Variants in CBLB observed in about 807,000 individuals in gnomAD.
CBLB encodes E3 ubiquitin-protein ligase CBL-B.
CBLB carries 31 observed loss-of-function variants against 104.9 expected under a neutral mutation model. The observed-to-expected ratio is 0.30, with a 90% CI of 0.22 to 0.40. CBLB has a LOEUF of 0.40. Ranked by LOEUF, CBLB falls within the 10% of genes least tolerant of loss-of-function variation. The pLI is 1.00. For synonymous variants in CBLB, 440 were observed against 422.6 expected (o/e 1.04, Z -0.51); for missense variants, 1,062 against 1,214.6 (o/e 0.87, Z 1.87).
At chr3:105,727,254 G>T (rs748185058) in intron 9 of CBLB, among the ~76,000 whole-genome samples, 2 of 152,170 alleles carry the variant, frequency 1.3e-5, no homozygotes, top group Admixed American at 1.3e-4. Context: ...TCTAACTGGC[G>T]TGAGATGGTT....
At chr3:105,860,567 A>G (rs2092005797) in intron 2 of CBLB, among the ~76,000 whole-genome samples, 1 of 152,188 alleles carries the variant, frequency 6.6e-6, no homozygotes, top group Admixed American at 6.5e-5. Context: ...ACCTCTTAGG[A>G]TATTATAATT....
At chr3:105,742,764 A>G (rs1309716262) in intron 6 of CBLB, among the ~76,000 whole-genome samples, 1 of 152,224 alleles carries the variant, frequency 6.6e-6, no homozygotes, top group African/African-American at 2.4e-5. Flanking sequence ...ATTAACATGA[A>G]GAAAATAATT....
At chr3:105,761,850 G>C (rs1358230828) in intron 4 of CBLB, among the ~76,000 whole-genome samples, 5 of 152,190 alleles carry the variant, frequency 3.3e-5, no homozygotes, top group Non-Finnish European at 7.3e-5. Context: ...ATGTGGGAAA[G>C]TTTGGAACTT....
intron 8 of CBLB, 91 bp from the exon 9 acceptor site, chr3:105,734,231 G>T (rs2074656693): frequency 2.4e-6 from 3 of 1,266,984 alleles, no homozygotes; most frequent in Non-Finnish European, 1.1e-6. Context: ...ATGACGCACA[G>T]TCAATATCTC....
intron 10 of CBLB, among the ~76,000 whole-genome samples, chr3:105,707,999 T>A (rs747126484): frequency 1.3e-5 from 2 of 152,122 alleles, no homozygotes; most frequent in African/African-American, 4.8e-5. Flanking sequence ...GTAACAGACT[T>A]TTCCCCTGTA....
chr3:105,756,022 T>C (rs1156558528), intron 4 of CBLB, among the ~76,000 whole-genome samples: 1 of 152,216 alleles, frequency 6.6e-6, no homozygotes, highest in Non-Finnish European at 1.5e-5. Flanking sequence ...ACAAATTTAA[T>C]AACTGGCTTG....
chr3:105,844,965 A>G (rs2090042973), intron 3 of CBLB, among the ~76,000 whole-genome samples: 1 of 152,102 alleles, frequency 6.6e-6, no homozygotes, highest in Admixed American at 6.6e-5. Flanking sequence ...TCATTCATCA[A>G]CTTTCTTTGT....
intron 4 of CBLB, among the ~76,000 whole-genome samples, chr3:105,764,046 C>A (rs145208730): frequency 6.6e-6 from 1 of 152,284 alleles, no homozygotes; most frequent in Non-Finnish European, 1.5e-5. Context: ...AATGCATATC[C>A]TTTGACCCAG....
intron 5 of CBLB, 83 bp from the exon 6 acceptor site, chr3:105,746,121 C>T (rs2076078522): frequency 2.2e-6 from 2 of 926,014 alleles, no homozygotes; most frequent in Non-Finnish European, 3.4e-6. Flanking sequence ...ATTTAATACA[C>T]TTAACATTAT....
chr3:105,663,905 G>C (rs1256278075), intron 18 of CBLB, among the ~76,000 whole-genome samples: 109 of 8,844 alleles, frequency 0.012, no homozygotes, highest in African/African-American at 0.025. Flanking sequence ...AAGCTTATTA[G>C]GAAAAAAAAA....
At chr3:105,770,770 G>C (rs558269496) in intron 4 of CBLB, among the ~76,000 whole-genome samples, 1 of 152,290 alleles carries the variant, frequency 6.6e-6, no homozygotes, top group African/African-American at 2.4e-5. Flanking sequence ...TCTGTCTATA[G>C]ACTACCTGGA....
At chr3:105,865,789 G>T (rs1021502307) in intron 2 of CBLB, among the ~76,000 whole-genome samples, 3 of 152,122 alleles carry the variant, frequency 2.0e-5, no homozygotes, top group African/African-American at 7.2e-5. Flanking sequence ...GGGGGAAAAA[G>T]AACAGCCCCT....
chr3:105,733,543 G>C lies in CBLB; in HGVS notation c.1203+466C>G, dbSNP rs115480770. Reference sequence around the variant, plus strand: ...CTGTGGGAACTATAAGTGTTTGAGAGATACTTCCTGTCTGATTCTCCAATT... The same window carrying C: ...CTGTGGGAACTATAAGTGTTTGAGACATACTTCCTGTCTGATTCTCCAATT... On this transcript the variant is annotated intron_variant, in intron 9 of 18. Coordinates refer to ENST00000394030, the MANE Select transcript of CBLB (RefSeq NM_170662.5). 1.9e-3 allele frequency among the ~76,000 whole-genome samples: 294 copies of C among 152,224 alleles called. 3 individuals carry two copies. The highest frequency in any genetic ancestry group is 6.5e-3 in the African/African-American group (270 of 41,534).
At chr3:105,689,595 T>C (rs1381817016) in intron 13 of CBLB, among the ~76,000 whole-genome samples, 4 of 151,288 alleles carry the variant, frequency 2.6e-5, no homozygotes, top group African/African-American at 9.7e-5. Flanking sequence ...TAATAATGCC[T>C]CTGTTCATTT....
intron 18 of CBLB, 74 bp from the exon 19 acceptor site, chr3:105,659,303 T>A: frequency 7.4e-7 from 1 of 1,349,866 alleles, no homozygotes; most frequent in Non-Finnish European, 1.1e-6. Context: ...ATAACAGCAT[T>A]ATCTCATTTC....
At position 105,678,480 on chromosome 3, in the gene CBLB, G is replaced by A; in HGVS notation, c.2520C>T (p.Gly840=). ...HSLIEHSKPP[G]SSSRPSSGQD... ...GTCCTGAGGATGGCCGGCTACTGGA[G>A]CCAGGAGGTTTTGAATGTTCAATGA... Residue 840 remains glycine (G), a synonymous_variant, in exon 17 of 19, where the codon GGC becomes GGT. Coordinates refer to ENST00000394030, the MANE Select transcript of CBLB (RefSeq NM_170662.5). The A allele has an allele frequency of 1.9e-6, 3 of 1,614,048 alleles. No homozygotes were observed. The East Asian group carries it at 6.7e-5, about 36-fold the overall frequency.
Position 105,658,914 on chromosome 3 carries a change from C to T in CBLB, c.*56G>A, listed in dbSNP as rs2063516004. The T allele has an allele frequency of 1.3e-5, 21 of 1,580,938 alleles. No individual in the cohort carries two copies. Among genetic ancestry groups the T allele is most frequent in the Non-Finnish European group, 1.7e-5 (20 of 1,151,652 alleles). On this transcript the variant is annotated 3_prime_UTR_variant, in exon 19 of 19. Transcript: ENST00000394030. ...AATTCCATCTCAGTTCTCTTTATTT[C>T]CACACTCTTGGAATACATCGATTGC... is the stretch of plus-strand genomic sequence containing the variant.
intron 4 of CBLB, among the ~76,000 whole-genome samples, chr3:105,757,055 G>C (rs544986978): frequency 1.3e-5 from 2 of 152,238 alleles, no homozygotes; most frequent in African/African-American, 4.8e-5. Context: ...TCTGCCATGA[G>C]CAAAAGCTCT....
At chr3:105,861,119 C>A in intron 2 of CBLB, among the ~76,000 whole-genome samples, 1 of 147,022 alleles carries the variant, frequency 6.8e-6, no homozygotes, top group Non-Finnish European at 1.5e-5. Flanking sequence ...AATTAGCAAC[C>A]TACAAATACT....
Sources: gnomAD v4.1 joint callset for allele counts (sites outside exome capture counted in the v4.1 genomes callset) on GRCh38, gnomAD v4.1.1 for gene constraint, MANE v1.5 for transcripts, NCBI Gene and HGNC (gene_info 2026-07-23, HGNC 2026-07-21) for gene names.